The following ASIC2 variants were observed in gnomAD, a reference collection of about 807,000 sequenced individuals.
The protein encoded by ASIC2 is acid sensing ion channel subunit 2.
A neutral mutation model predicts 57.3 loss-of-function variants in ASIC2; 25 were observed. The ratio of observed to expected loss-of-function variants is 0.44; its 90% CI spans 0.32 to 0.61. The LOEUF (loss-of-function observed/expected upper bound fraction) is 0.61. Among genes scored for constraint, ASIC2 ranks in the 20% least tolerant of loss-of-function variants. The pLI is 0.06. For synonymous variants in ASIC2, 319 were observed against 307.5 expected (o/e 1.04, Z -0.39); for missense variants, 641 against 738.1 (o/e 0.87, Z 1.52).
chr17:33,909,435 G>A (rs554778717), intron 1 of ASIC2, among the ~76,000 whole-genome samples: 11 of 152,324 alleles, frequency 7.2e-5, no homozygotes, highest in South Asian at 2.1e-4. Flanking sequence ...GGATGCCTTC[G>A]GGTGAAGGTG....
intron 1 of ASIC2, among the ~76,000 whole-genome samples, chr17:34,152,934 C>T (rs1013795258): frequency 6.6e-6 from 1 of 150,774 alleles, no homozygotes; most frequent in Non-Finnish European, 1.5e-5. Context: ...AGGGAAAAAA[C>T]GTGTGCTTAT....
chr17:33,377,368 G>A (rs1416879740), intron 1 of ASIC2, among the ~76,000 whole-genome samples: 3 of 152,178 alleles, frequency 2.0e-5, no homozygotes, highest in Non-Finnish European at 4.4e-5. Context: ...TCTTTATTTA[G>A]ATAAATACAG....
chr17:33,247,744 G>A (rs1197322308), intron 1 of ASIC2, among the ~76,000 whole-genome samples: 1 of 152,170 alleles, frequency 6.6e-6, no homozygotes, highest in Non-Finnish European at 1.5e-5. Flanking sequence ...ACAGGAGGGC[G>A]AGTCTTCCCT....
intron 1 of ASIC2, among the ~76,000 whole-genome samples, chr17:33,386,209 G>T (rs1325861096): frequency 6.6e-6 from 1 of 152,200 alleles, no homozygotes; most frequent in Non-Finnish European, 1.5e-5. Context: ...CCAAGTCTAG[G>T]CTGATGACAG....
chr17:33,300,901 A>G (rs1327943363), intron 1 of ASIC2, among the ~76,000 whole-genome samples: 1 of 152,260 alleles, frequency 6.6e-6, no homozygotes, highest in Non-Finnish European at 1.5e-5. Flanking sequence ...AGAAGTTGAC[A>G]TAATGAAGAT....
At position 33,818,590 on chromosome 17, in the gene ASIC2, C is replaced by T. The variant is rs145733101; in HGVS notation, c.555+337388G>A. ...CAGAGACACTTTTTGGCTGTCACAACTACTGTGGGTGGGGCAAGTGACACA... is the reference window on the plus strand; with the variant it reads ...CAGAGACACTTTTTGGCTGTCACAATTACTGTGGGTGGGGCAAGTGACACA... On this transcript the variant is annotated intron_variant, in intron 1 of 9. Transcript: ENST00000359872. Among the ~76,000 whole-genome samples the T allele has an allele frequency of 4.7e-3, 710 of 152,290 alleles. 6 individuals are homozygous for T. The highest frequency in any genetic ancestry group is 0.016 in the African/African-American group (683 of 41,558).
intron 1 of ASIC2, among the ~76,000 whole-genome samples, chr17:33,331,446 A>G (rs1278346424): frequency 6.6e-6 from 1 of 152,206 alleles, no homozygotes; most frequent in Non-Finnish European, 1.5e-5. Flanking sequence ...TCTTAAAACC[A>G]CAGCTATTTC....
intron 1 of ASIC2, among the ~76,000 whole-genome samples, chr17:34,027,944 A>G (rs1168230302): frequency 6.6e-6 from 1 of 152,190 alleles, no homozygotes; most frequent in Non-Finnish European, 1.5e-5. Flanking sequence ...GGGAATAACG[A>G]TATGCATTAT....
At chr17:33,874,234 T>G (rs1410437128) in intron 1 of ASIC2, among the ~76,000 whole-genome samples, 1 of 152,134 alleles carries the variant, frequency 6.6e-6, no homozygotes, top group Non-Finnish European at 1.5e-5. Context: ...GAATGTCTAT[T>G]TTACCCTTCT....
intron 1 of ASIC2, among the ~76,000 whole-genome samples, chr17:33,479,123 T>C (rs1363316668): frequency 1.3e-5 from 2 of 151,932 alleles, no homozygotes; most frequent in Non-Finnish European, 2.9e-5. Context: ...CTCAGCCTCC[T>C]GGGTAGCTGG....
intron 1 of ASIC2, among the ~76,000 whole-genome samples, chr17:33,173,172 C>T (rs1346704056): frequency 1.3e-5 from 2 of 152,184 alleles, no homozygotes; most frequent in East Asian, 3.9e-4. Context: ...ATGAGGCAGA[C>T]TCCCGAGTCT....
rs1038328888 is a variant in ASIC2, at chr17:33,393,908, T to C, written c.556-281841A>G. ...GGACAGGGGACCATGCTTCTCAATTTAAACTCCAACACTTCTACTTAGCCA... is the reference window on the plus strand; with the variant it reads ...GGACAGGGGACCATGCTTCTCAATTCAAACTCCAACACTTCTACTTAGCCA... On this transcript the variant is annotated intron_variant, in intron 1 of 9. Coordinates refer to the ASIC2 transcript ENST00000359872. 2.6e-5 allele frequency among the ~76,000 whole-genome samples: 4 copies of C among 152,338 alleles called. No individual in the cohort carries two copies. In the East Asian group the frequency reaches 5.8e-4, roughly 22 times the overall value.
chr17:34,025,084 T>C (rs2142032185), intron 1 of ASIC2, among the ~76,000 whole-genome samples: 1 of 152,292 alleles, frequency 6.6e-6, no homozygotes, highest in East Asian at 1.9e-4. Flanking sequence ...GAAGCAACAC[T>C]GCTCAGGGGA....
chr17:33,418,964 C>A (rs1331234252), intron 1 of ASIC2, among the ~76,000 whole-genome samples: 9 of 91,106 alleles, frequency 9.9e-5, no homozygotes, highest in African/African-American at 4.0e-4. Context: ...GGGTGGGGGG[C>A]TGGGGGAGGG....
chr17:34,141,136 G>A (rs1439742878), intron 1 of ASIC2, among the ~76,000 whole-genome samples: 2 of 148,450 alleles, frequency 1.3e-5, no homozygotes, highest in Admixed American at 1.4e-4. Context: ...AGATCATTGT[G>A]CAAGATGACT....
chr17:33,659,675 C>A (rs1907187856), intron 1 of ASIC2, among the ~76,000 whole-genome samples: 1 of 151,974 alleles, frequency 6.6e-6, no homozygotes, highest in African/African-American at 2.4e-5. Context: ...TGGAGACCAT[C>A]CTGGCCAACA....
chr17:33,041,728 T>C (rs936348168), intron 3 of ASIC2, among the ~76,000 whole-genome samples: 1 of 152,222 alleles, frequency 6.6e-6, no homozygotes, highest in Non-Finnish European at 1.5e-5. Flanking sequence ...AGAATGTCCA[T>C]GCTGGTCCTC....
intron 1 of ASIC2, chr17:34,037,724 G>T (rs1907944358): frequency 6.2e-7 from 1 of 1,613,990 alleles, no homozygotes; most frequent in African/African-American, 1.3e-5. Flanking sequence ...CAACAAGTAG[G>T]GATCACAGGC....
chr17:33,670,809 A>G (rs1373357917), intron 1 of ASIC2, among the ~76,000 whole-genome samples: 72 of 152,356 alleles, frequency 4.7e-4, no homozygotes, highest in East Asian at 1.9e-4. Context: ...GTAAATGTGC[A>G]CCAGTCCTAG....
Sources: allele counts gnomAD v4.1 joint callset (sites outside exome capture counted in the v4.1 genomes callset), GRCh38; gene constraint gnomAD v4.1.1; transcripts MANE v1.5; gene names NCBI Gene and HGNC (gene_info 2026-07-23, HGNC 2026-07-21).